Variants in GLI2 observed in about 807,000 individuals in gnomAD.
GLI2 encodes transcription activator GLI2.
A neutral mutation model predicts 78.9 loss-of-function variants in GLI2; 22 were observed. That is an observed-to-expected ratio of 0.28 (90% CI 0.20 to 0.40). The LOEUF is 0.40. Among genes scored for constraint, GLI2 ranks in the 10% least tolerant of loss-of-function variants. The pLI is 1.00. For missense variants in GLI2, 2,097 were observed against 2,213.2 expected, an observed-to-expected ratio of 0.95 and a Z score of 1.05; for synonymous variants, 974 against 963.7, an observed-to-expected ratio of 1.01 and a Z score of -0.20.
intron 1 of GLI2, among the ~76,000 whole-genome samples, chr2:120,776,524 C>T (rs1683681893): frequency 6.6e-6 from 1 of 152,132 alleles, no homozygotes; most frequent in Non-Finnish European, 1.5e-5. Context: ...TTGCCCTAGA[C>T]ACATTTGCCT....
At chr2:120,967,830 G>A (rs1474863154) in intron 5 of GLI2, among the ~76,000 whole-genome samples, 1 of 152,234 alleles carries the variant, frequency 6.6e-6, no homozygotes, top group Non-Finnish European at 1.5e-5. Flanking sequence ...AGAAGCACCT[G>A]CCTGTGTCAG....
chr2:120,954,469 G>A (rs568435058), intron 4 of GLI2, among the ~76,000 whole-genome samples: 1 of 152,302 alleles, frequency 6.6e-6, no homozygotes, highest in African/African-American at 2.4e-5. Context: ...TCTGCCAAGT[G>A]CATAAGAGAG....
At chr2:120,967,358 AGAG>A (rs1403113013) in intron 5 of GLI2, among the ~76,000 whole-genome samples, 3 of 152,254 alleles carry the variant, frequency 2.0e-5, no homozygotes, top group Non-Finnish European at 4.4e-5. Context: ...CCCTTTAAAA[AGAG>A]GAGACTGGCT....
intron 2 of GLI2, among the ~76,000 whole-genome samples, chr2:120,913,793 T>C (rs1422637730): frequency 1.3e-5 from 2 of 152,234 alleles, no homozygotes; most frequent in Non-Finnish European, 2.9e-5. Flanking sequence ...AGGTCATTGA[T>C]TGTCTGTGGC....
At chr2:120,744,068 G>C (rs1682628756) in intron 1 of GLI2, among the ~76,000 whole-genome samples, 1 of 152,244 alleles carries the variant, frequency 6.6e-6, no homozygotes, top group Non-Finnish European at 1.5e-5. Flanking sequence ...GCGGAAGCCT[G>C]TGATGGTCTT....
At chr2:120,937,368 A>G (rs1417388422) in intron 3 of GLI2, among the ~76,000 whole-genome samples, 3 of 152,196 alleles carry the variant, frequency 2.0e-5, no homozygotes, top group Non-Finnish European at 4.4e-5. Context: ...CATTGCACCC[A>G]CTAATTTCTC....
chr2:120,912,813 G>A lies in GLI2; in HGVS notation c.149-14548G>A, dbSNP rs564918121. 2.0e-3 allele frequency among the ~76,000 whole-genome samples: 301 copies of A among 152,244 alleles called. 1 individual carries two copies. Among genetic ancestry groups the A allele is most frequent in the African/African-American group, 7.0e-3 (290 of 41,554 alleles). On this transcript the variant is annotated intron_variant, in intron 2 of 13. Coordinates refer to ENST00000361492, the MANE Select transcript of GLI2 (RefSeq NM_001374353.1). ...ACTCCAAGCTTATCAAGAACGCAGC[G>A]GGCAGCAATCCAGGGCAGAACAAGG... is the stretch of plus-strand genomic sequence containing the variant.
At chr2:120,972,886 G>A (rs1055912925) in intron 8 of GLI2, among the ~76,000 whole-genome samples, 1 of 152,072 alleles carries the variant, frequency 6.6e-6, no homozygotes, top group African/African-American at 2.4e-5. Context: ...GACAGCATGC[G>A]GGCAGCCCCC....
At chr2:120,827,915 A>G (rs1686168717) in intron 2 of GLI2, among the ~76,000 whole-genome samples, 2 of 152,320 alleles carry the variant, frequency 1.3e-5, no homozygotes, top group Non-Finnish European at 2.9e-5. Context: ...ATGGGTGCAG[A>G]ATTTCAATTT....
intron 1 of GLI2, among the ~76,000 whole-genome samples, chr2:120,775,965 T>C (rs1683665670): frequency 6.6e-6 from 1 of 152,190 alleles, no homozygotes; most frequent in African/African-American, 2.4e-5. Context: ...CCTCTAACGC[T>C]CTCGCCCTGG....
At position 120,990,405 on chromosome 2, in the gene GLI2, C is replaced by T. The variant is rs1403391073; in HGVS notation, c.4440C>T (p.Ser1480=). 10 of 1,614,114 alleles carry T rather than the reference C, an allele frequency of 6.2e-6. No homozygotes were observed. The Admixed American group carries it at 1.3e-4, about 22-fold the overall frequency. The change falls in exon 14 of 14, where the codon TCC becomes TCT. Residue 1480 remains serine (S), a synonymous_variant. Coordinates refer to ENST00000361492, the MANE Select transcript of GLI2 (RefSeq NM_001374353.1). ...CCTCACCAGGGGTCAACCAGGTGTC[C>T]AGCACTGTGGACTCCCAGCTCCTGG... The part of the protein sequence containing the change: ...PLPSPGVNQV[S]STVDSQLLEA...
At chr2:120,879,056 G>A (rs1230864339) in intron 2 of GLI2, among the ~76,000 whole-genome samples, 1 of 152,144 alleles carries the variant, frequency 6.6e-6, no homozygotes, top group Admixed American at 6.6e-5. Context: ...GTCTCCTCCG[G>A]CATTGCCCCG....
chr2:120,895,689 C>A (rs538865500), intron 2 of GLI2, among the ~76,000 whole-genome samples: 16 of 152,048 alleles, frequency 1.1e-4, no homozygotes, highest in Non-Finnish European at 2.4e-4. Context: ...GGTGACAGAG[C>A]GAGACTCCGT....
intron 2 of GLI2, among the ~76,000 whole-genome samples, chr2:120,902,278 G>A (rs1265643405): frequency 4.4e-5 from 6 of 136,002 alleles, no homozygotes; most frequent in Non-Finnish European, 9.2e-5. Flanking sequence ...TTTAACAACC[G>A]GCTATAGAGG....
chr2:120,980,756 CTT>C (rs1283122363), intron 10 of GLI2, among the ~76,000 whole-genome samples: 3 of 151,918 alleles, frequency 2.0e-5, no homozygotes, highest in African/African-American at 7.3e-5. Context: ...TTTATATAGA[CTT>C]TTATTTATAG....
At chr2:120,811,149 T>C (rs1358025637) in intron 2 of GLI2, among the ~76,000 whole-genome samples, 7 of 152,308 alleles carry the variant, frequency 4.6e-5, no homozygotes, top group South Asian at 2.1e-4. Flanking sequence ...GGGTGGCCCA[T>C]GTGCTGCTGG....
At chr2:120,762,402 G>A (rs1390545850) in intron 1 of GLI2, among the ~76,000 whole-genome samples, 2 of 152,226 alleles carry the variant, frequency 1.3e-5, no homozygotes, top group Admixed American at 6.5e-5. Context: ...CCACAGAGCT[G>A]TAAGCCTGCC....
At chr2:120,877,705 C>T (rs968919525) in intron 2 of GLI2, among the ~76,000 whole-genome samples, 1 of 152,188 alleles carries the variant, frequency 6.6e-6, no homozygotes, top group Non-Finnish European at 1.5e-5. Flanking sequence ...GTGGTTTGCT[C>T]TTCTTATTGT....
intron 1 of GLI2, among the ~76,000 whole-genome samples, chr2:120,743,233 A>C (rs1682603741): frequency 6.6e-6 from 1 of 152,212 alleles, no homozygotes; most frequent in Admixed American, 6.5e-5. Flanking sequence ...GTCTTGAAGA[A>C]TAACTGTAAC....
Sources: allele counts gnomAD v4.1 joint callset (sites outside exome capture counted in the v4.1 genomes callset), GRCh38; gene constraint gnomAD v4.1.1; transcripts MANE v1.5; gene names NCBI Gene and HGNC (gene_info 2026-07-23, HGNC 2026-07-21).